The following CT55 variants were observed in gnomAD, a reference collection of about 807,000 sequenced individuals.
CT55 encodes cancer/testis antigen 55.
CT55 carries 1 observed loss-of-function variant against 12.6 expected under a neutral mutation model. That is an observed-to-expected ratio of 0.08 (90% CI 0.03 to 0.38). CT55 has a LOEUF of 0.38. Ranked by LOEUF, CT55 falls within the 10% of genes least tolerant of loss-of-function variation. The pLI, the probability that CT55 is intolerant of heterozygous loss-of-function variation, is 0.99. For missense variants in CT55, 109 were observed against 135.4 expected (o/e 0.80, Z 0.97); for synonymous variants, 43 against 49.7 (o/e 0.87, Z 0.57).
At chrX:135,166,245 A>G (rs1369224794) in intron 2 of CT55, among the ~76,000 whole-genome samples, 1 of 110,978 alleles carries the variant, frequency 9.0e-6, no homozygotes, top group African/African-American at 3.3e-5. Flanking sequence ...AGCACATTAA[A>G]AAAATCATTC....
intron 2 of CT55, among the ~76,000 whole-genome samples, chrX:135,163,975 G>C (rs1556405570): frequency 9.0e-6 from 1 of 111,554 alleles, no homozygotes; most frequent in Non-Finnish European, 1.9e-5. Flanking sequence ...GGGAGATAAA[G>C]ACTTTTACAG....
chrX:135,160,617 T>A (rs2083558758), intron 2 of CT55, 62 bp from the exon 3 acceptor site: 5 of 1,102,932 alleles, frequency 4.5e-6, no homozygotes, highest in South Asian at 4.5e-5. Flanking sequence ...GGAACTTACA[T>A]GATTAAAAGA....
At chrX:135,160,937 T>C (rs1313352329) in intron 2 of CT55, among the ~76,000 whole-genome samples, 1 of 111,377 alleles carries the variant, frequency 9.0e-6, no homozygotes, top group East Asian at 2.8e-4. Context: ...TTTCTGTGAA[T>C]TATCTAGAGG....
chrX:135,171,348 A>T lies in CT55; in HGVS notation c.-177T>A, dbSNP rs1340661907. On this transcript the variant is annotated 5_prime_UTR_variant, in exon 1 of 6. Transcript: ENST00000276241. ...TGAGCCCCCCTCAGGAGAGTCAGGG[A>T]CACCGCAGCCTCCAAAGGAGCTCCC... is the stretch of plus-strand genomic sequence containing the variant. 12 of 914,451 alleles carry T rather than the reference A, an allele frequency of 1.3e-5. No individual in the cohort carries two copies. The African/African-American group carries it at 2.4e-4, about 18-fold the overall frequency. 75.4% of individuals were successfully genotyped at this position (914,451 alleles called of 1,213,427 possible). A position where few individuals can be genotyped will look rare whatever the true frequency, so the allele number is the denominator to read the frequency against.
At chrX:135,171,444 G>A (rs1556406839), upstream of CT55, 1 of 335,790 alleles carries the variant, frequency 3.0e-6, no homozygotes, top group African/African-American at 2.7e-5. Context: ...TCCAACCAAT[G>A]GGCGTGCAGT....
At chrX:135,170,165 C>T in intron 1 of CT55, among the ~76,000 whole-genome samples, 1 of 110,593 alleles carries the variant, frequency 9.0e-6, no homozygotes. Flanking sequence ...TACCGTCACA[C>T]CCAGCTAATT....
chrX:135,164,838 G>T (rs1176720132), intron 2 of CT55, among the ~76,000 whole-genome samples: 2 of 112,199 alleles, frequency 1.8e-5, no homozygotes, highest in African/African-American at 6.5e-5. Context: ...AAGAGACCAA[G>T]ATCATTATAG....
chrX:135,166,952 G>T (rs1209040514), intron 2 of CT55, among the ~76,000 whole-genome samples: 2 of 112,066 alleles, frequency 1.8e-5, no homozygotes, highest in Non-Finnish European at 3.8e-5. Flanking sequence ...ATTGAAGGAG[G>T]CAGGAATGAA....
In CT55 at chrX:135,158,205, C is replaced by G; in HGVS notation, c.531G>C (p.Thr177=). The G allele has an allele frequency of 1.7e-6, 2 of 1,179,299 alleles. No individual in the cohort carries two copies. The highest frequency in any genetic ancestry group is 2.3e-6 in the Non-Finnish European group (2 of 866,518). Residue 177 remains threonine (T), a synonymous_variant, in exon 4 of 6, where the codon ACG becomes ACC. Coordinates refer to ENST00000276241, the MANE Select transcript of CT55 (RefSeq NM_001031705.3). ...TSVKPIRCIH[T]EEVCITSVHG... ...GCAACAGGAAAGAAATTACCTCTTCCGTATGAATACAACGGATGGGCTTCA... is the reference window on the plus strand; with the variant it reads ...GCAACAGGAAAGAAATTACCTCTTCGGTATGAATACAACGGATGGGCTTCA...
At chrX:135,159,438 C>T (rs1434433687) in intron 3 of CT55, among the ~76,000 whole-genome samples, 1 of 111,381 alleles carries the variant, frequency 9.0e-6, no homozygotes, top group African/African-American at 3.3e-5. Context: ...TCGTCTACAT[C>T]ACAAACTGGC....
chrX:135,163,437 T>A (rs1420176656), intron 2 of CT55, among the ~76,000 whole-genome samples: 2 of 111,348 alleles, frequency 1.8e-5, no homozygotes, highest in Non-Finnish European at 3.8e-5. Flanking sequence ...ATAGAGAACA[T>A]CCAAAGAAGA....
intron 3 of CT55, among the ~76,000 whole-genome samples, chrX:135,158,996 C>T (rs2083550057): frequency 8.9e-6 from 1 of 111,794 alleles, no homozygotes; most frequent in African/African-American, 3.3e-5. Flanking sequence ...ACAGTTAAGA[C>T]CATCAAGTTT....
chrX:135,158,204 C>T lies in CT55; in HGVS notation c.532G>A (p.Glu178Lys). 8.5e-7 allele frequency: 1 copy of T among 1,178,629 alleles called. No individual in the cohort carries two copies. The highest frequency in any genetic ancestry group is 2.3e-4 in the Middle Eastern group (1 of 4,269). The change falls in exon 4 of 6, where the codon GAA becomes AAA. Residue 178 changes from glutamate (E) to lysine (K), a missense_variant. Coordinates refer to ENST00000276241, the MANE Select transcript of CT55 (RefSeq NM_001031705.3). ...AGCAACAGGAAAGAAATTACCTCTT[C>T]CGTATGAATACAACGGATGGGCTTC... ...SVKPIRCIHT[E>K]EVCITSVHGR... is the part of the protein sequence containing the mutation.
In CT55 at chrX:135,171,120, G is replaced by A; in HGVS notation, c.52C>T (p.Pro18Ser). The part of the protein sequence containing the change: ...ALAFYGRTAD[P>S]AERQGPQQQG... ...TGCTGTGGGCCCTGTCGCTCTGCAG[G>A]GTCGGCCGTCCTCCCGTAGAAGGCC... The change falls in exon 1 of 6, where the codon CCT (proline) becomes TCT (serine). Residue 18 changes from proline to serine, a missense_variant. Coordinates refer to ENST00000276241, the MANE Select transcript of CT55 (RefSeq NM_001031705.3). 2.5e-6 allele frequency: 3 copies of A among 1,211,560 alleles called. No homozygotes were observed. Among genetic ancestry groups the A allele is most frequent in the Non-Finnish European group, 3.4e-6 (3 of 895,393 alleles).
intron 2 of CT55, among the ~76,000 whole-genome samples, chrX:135,163,407 T>C (rs782059082): frequency 2.7e-5 from 3 of 111,371 alleles, no homozygotes; most frequent in Admixed American, 9.5e-5. Flanking sequence ...AGTTGAAAAA[T>C]ACAGTGAAGG....
At chrX:135,171,771 T>A (rs1220322419), upstream of CT55, among the ~76,000 whole-genome samples, 1 of 111,790 alleles carries the variant, frequency 8.9e-6, no homozygotes, top group African/African-American at 3.3e-5. Context: ...GAGGGCATCA[T>A]GTGGGTAGGC....
intron 2 of CT55, among the ~76,000 whole-genome samples, chrX:135,162,465 T>G (rs1271731997): frequency 4.5e-5 from 5 of 112,157 alleles, no homozygotes; most frequent in Non-Finnish European, 9.4e-5. Flanking sequence ...TGTGAAAAAC[T>G]ATCCTTGTAT....
At position 135,160,616 on chromosome X, in the gene CT55, A is replaced by T. The variant is rs1371414029; in HGVS notation, c.280-61T>A. On this transcript the variant is annotated intron_variant, in intron 2 of 5. Transcript: ENST00000276241. ...ATACAAATTTAAACATGGAACTTACATGATTAAAAGACTTGTATTCAAAAA... is the reference window on the plus strand; with the variant it reads ...ATACAAATTTAAACATGGAACTTACTTGATTAAAAGACTTGTATTCAAAAA... 3.6e-6 allele frequency: 4 copies of T among 1,113,593 alleles called. No individual in the cohort carries two copies. The Admixed American group carries it at 1.3e-4, about 35-fold the overall frequency. The allele number at this position is 1,113,593 out of a possible 1,213,427, so 91.8% of individuals were successfully genotyped here. A position where few individuals can be genotyped will look rare whatever the true frequency, so the allele number is the denominator to read the frequency against.
intron 1 of CT55, among the ~76,000 whole-genome samples, chrX:135,170,193 G>T (rs1166187475): frequency 9.1e-6 from 1 of 110,353 alleles, no homozygotes; most frequent in Non-Finnish European, 1.9e-5. Flanking sequence ...TGTTAATAGA[G>T]ACGGGGTTTT....
Sources: allele counts gnomAD v4.1 joint callset (sites outside exome capture counted in the v4.1 genomes callset), GRCh38; gene constraint gnomAD v4.1.1; transcripts MANE v1.5; gene names NCBI Gene and HGNC (gene_info 2026-07-23, HGNC 2026-07-21).